Variants in AK5 observed in about 807,000 individuals in gnomAD.
The protein encoded by AK5 is adenylate kinase isoenzyme 5.
A neutral mutation model predicts 69.5 loss-of-function variants in AK5; 27 were observed. The ratio of observed to expected loss-of-function variants is 0.39; its 90% CI spans 0.29 to 0.54. The LOEUF (loss-of-function observed/expected upper bound fraction) is 0.54, where lower values mean the gene tolerates loss of function less well. Among genes scored for constraint, AK5 ranks in the 20% least tolerant of loss-of-function variants. The pLI is 0.71. For missense variants in AK5, 531 were observed against 700.4 expected (o/e 0.76, Z 2.73); for synonymous variants, 260 against 244.4 (o/e 1.06, Z -0.60).
At chr1:77,415,446 A>G (rs1330547451) in intron 7 of AK5, among the ~76,000 whole-genome samples, 4 of 152,218 alleles carry the variant, frequency 2.6e-5, no homozygotes, top group African/African-American at 9.6e-5. Flanking sequence ...CAAAGGTATC[A>G]TTTGAATCCA....
intron 8 of AK5, among the ~76,000 whole-genome samples, chr1:77,445,876 C>T (rs867844832): frequency 6.6e-5 from 10 of 152,280 alleles, no homozygotes; most frequent in East Asian, 5.8e-4. Flanking sequence ...TGAGCCACCA[C>T]GCCTGGTCAG....
intron 6 of AK5, among the ~76,000 whole-genome samples, chr1:77,406,389 G>C (rs1649640132): frequency 6.6e-6 from 1 of 152,130 alleles, no homozygotes; most frequent in Non-Finnish European, 1.5e-5. Flanking sequence ...ATGGAACTGA[G>C]AGTCCAAGAA....
chr1:77,425,279 C>A (rs1250526390), intron 8 of AK5, among the ~76,000 whole-genome samples: 1 of 152,202 alleles, frequency 6.6e-6, no homozygotes, highest in Admixed American at 6.5e-5. Flanking sequence ...AAAAGAACTT[C>A]TTTAAAGAAG....
chr1:77,410,896 T>TGTGTCG, intron 6 of AK5, 85 bp from the exon 7 acceptor site: 1 of 984,290 alleles, frequency 1.0e-6, no homozygotes, highest in Middle Eastern at 2.1e-4. Context: ...GAGATACAGT[T>TGTGTCG]GTGTGATGGA....
chr1:77,356,830 A>G (rs1662552626), intron 6 of AK5, among the ~76,000 whole-genome samples: 1 of 152,212 alleles, frequency 6.6e-6, no homozygotes, highest in Non-Finnish European at 1.5e-5. Context: ...CCCATAATCC[A>G]GTGGTATTTT....
At chr1:77,364,034 C>T (rs1646910234) in intron 6 of AK5, among the ~76,000 whole-genome samples, 1 of 151,714 alleles carries the variant, frequency 6.6e-6, no homozygotes, top group Non-Finnish European at 1.5e-5. Context: ...GGAAAGTGTT[C>T]AATAAATATT....
At chr1:77,432,528 AT>A (rs1340054760) in intron 8 of AK5, among the ~76,000 whole-genome samples, 1 of 152,236 alleles carries the variant, frequency 6.6e-6, no homozygotes, top group African/African-American at 2.4e-5. Flanking sequence ...AAAATATAAA[AT>A]AAAATTAATA....
At chr1:77,370,574 T>G (rs955969962) in intron 6 of AK5, among the ~76,000 whole-genome samples, 1 of 152,052 alleles carries the variant, frequency 6.6e-6, no homozygotes, top group African/African-American at 2.4e-5. Context: ...AAAAAAAACT[T>G]TAGAGATGGA....
intron 6 of AK5, among the ~76,000 whole-genome samples, chr1:77,359,253 C>CAA (rs377096698): frequency 7.1e-5 from 7 of 99,268 alleles, no homozygotes; most frequent in African/African-American, 1.5e-4. Flanking sequence ...GACTCTGTCT[C>CAA]AAAAAAAAAA....
intron 2 of AK5, among the ~76,000 whole-genome samples, chr1:77,288,507 C>T (rs1570315115): frequency 6.6e-6 from 1 of 151,970 alleles, no homozygotes; most frequent in Non-Finnish European, 1.5e-5. Flanking sequence ...TAGTCATGAC[C>T]TACATAGATT....
At chr1:77,306,718 C>G (rs763909493) in intron 5 of AK5, among the ~76,000 whole-genome samples, 1 of 152,002 alleles carries the variant, frequency 6.6e-6, no homozygotes, top group Non-Finnish European at 1.5e-5. Flanking sequence ...AACAGTGAAG[C>G]CATCTGGTCC....
At chr1:77,384,459 T>C (rs1269170906) in intron 6 of AK5, among the ~76,000 whole-genome samples, 4 of 152,318 alleles carry the variant, frequency 2.6e-5, no homozygotes, top group African/African-American at 9.6e-5. Flanking sequence ...ACTGAAATGC[T>C]ACAGGTGGAC....
At chr1:77,378,407 C>T (rs1277402492) in intron 6 of AK5, among the ~76,000 whole-genome samples, 3 of 152,180 alleles carry the variant, frequency 2.0e-5, no homozygotes, top group East Asian at 1.9e-4. Flanking sequence ...CTGCAACCTC[C>T]GCCTCTCGGG....
intron 6 of AK5, among the ~76,000 whole-genome samples, chr1:77,381,671 C>A (rs1001557574): frequency 1.3e-5 from 2 of 152,154 alleles, no homozygotes; most frequent in African/African-American, 4.8e-5. Flanking sequence ...GAAATCTGAA[C>A]AATTTTCTTC....
chr1:77,352,740 CT>C (rs1231592740), intron 6 of AK5, among the ~76,000 whole-genome samples: 6 of 152,130 alleles, frequency 3.9e-5, no homozygotes, highest in Non-Finnish European at 8.8e-5. Context: ...CAGGGGAAGG[CT>C]TTTCTAGGGC....
At chr1:77,549,960 ATT>A (rs761532441) in intron 13 of AK5, among the ~76,000 whole-genome samples, 1 of 148,566 alleles carries the variant, frequency 6.7e-6, no homozygotes, top group South Asian at 2.1e-4. Flanking sequence ...TTATTTATTT[ATT>A]TTTTTTTTTT....
chr1:77,518,924 C>G (rs895955876), intron 11 of AK5, among the ~76,000 whole-genome samples, 197 bp downstream of exon 11: 1 of 152,156 alleles, frequency 6.6e-6, no homozygotes, highest in African/African-American at 2.4e-5. Context: ...GTCGAGCTGG[C>G]CCAGGCTCCT....
At chr1:77,437,835 C>T (rs1412130524) in intron 8 of AK5, among the ~76,000 whole-genome samples, 2 of 151,912 alleles carry the variant, frequency 1.3e-5, no homozygotes, top group Non-Finnish European at 1.5e-5. Context: ...GCAGACAAAG[C>T]AAAATTTTTA....
In AK5 at chr1:77,298,860, A is replaced by G. The variant is rs138515770; in HGVS notation, c.699+913A>G. On this transcript the variant is annotated intron_variant, in intron 5 of 13. Coordinates refer to ENST00000354567, the MANE Select transcript of AK5 (RefSeq NM_174858.3). Reference sequence around the variant, plus strand: ...CAAAAAAATTTTCTTTTAATTACAGAAGTAATATATGCTCATACAAATTTT... The same window carrying G: ...CAAAAAAATTTTCTTTTAATTACAGGAGTAATATATGCTCATACAAATTTT... Among the ~76,000 whole-genome samples the G allele has an allele frequency of 5.5e-3, 838 of 152,232 alleles. 5 individuals are homozygous for G. Among genetic ancestry groups the G allele is most frequent in the Non-Finnish European group, 9.7e-3 (659 of 68,014 alleles).
Sources: allele counts gnomAD v4.1 joint callset (sites outside exome capture counted in the v4.1 genomes callset), GRCh38; gene constraint gnomAD v4.1.1; transcripts MANE v1.5; gene names NCBI Gene and HGNC (gene_info 2026-07-23, HGNC 2026-07-21).